Variants in RNGTT observed in about 807,000 individuals in gnomAD.
RNGTT encodes the protein RNA guanylyltransferase and 5'-phosphatase, also known as mRNA-capping enzyme.
Under a neutral mutation model 79.3 loss-of-function variants are expected in RNGTT, and 33 were observed. The ratio of observed to expected loss-of-function variants is 0.42; its 90% CI spans 0.32 to 0.56. The LOEUF (loss-of-function observed/expected upper bound fraction) is 0.56. RNGTT is among the 20% of genes least tolerant of loss of function. The pLI is 0.17. For missense variants in RNGTT, 497 were observed against 739.1 expected (o/e 0.67, Z 3.80); for synonymous variants, 222 against 235.9 (o/e 0.94, Z 0.54).
chr6:88,787,309 T>C (rs1006652008), intron 12 of RNGTT, among the ~76,000 whole-genome samples: 13 of 152,128 alleles, frequency 8.5e-5, no homozygotes, highest in African/African-American at 3.1e-4. Context: ...AAATGTTGGT[T>C]AACCTGAGAA....
chr6:88,870,974 G>A (rs998569117), intron 8 of RNGTT, among the ~76,000 whole-genome samples: 2 of 152,120 alleles, frequency 1.3e-5, no homozygotes, highest in African/African-American at 4.8e-5. Flanking sequence ...CAATTGTTCA[G>A]ATCTATTCAA....
chr6:88,773,326 G>C (rs1244356516), intron 12 of RNGTT, among the ~76,000 whole-genome samples: 1 of 120,150 alleles, frequency 8.3e-6, no homozygotes, highest in African/African-American at 3.1e-5. Flanking sequence ...GTTGTGGGGT[G>C]GGGGGAGGGG....
intron 12 of RNGTT, among the ~76,000 whole-genome samples, chr6:88,790,244 T>A (rs1278403308): frequency 6.6e-6 from 1 of 152,140 alleles, no homozygotes; most frequent in African/African-American, 2.4e-5. Context: ...TTGAGTCATA[T>A]AAATAACAGG....
intron 14 of RNGTT, among the ~76,000 whole-genome samples, chr6:88,636,899 AC>A (rs1241173856): frequency 3.9e-5 from 6 of 152,020 alleles, no homozygotes; most frequent in African/African-American, 1.4e-4. Flanking sequence ...AAAGAATACT[AC>A]AAGAGAATAT....
intron 13 of RNGTT, among the ~76,000 whole-genome samples, chr6:88,689,944 T>C (rs1283963745): frequency 6.6e-6 from 1 of 151,388 alleles, no homozygotes; most frequent in Non-Finnish European, 1.5e-5. Flanking sequence ...TATGGTTAAC[T>C]ATCACCAGTA....
At chr6:88,852,780 A>T (rs181556582) in intron 9 of RNGTT, among the ~76,000 whole-genome samples, 4 of 152,164 alleles carry the variant, frequency 2.6e-5, no homozygotes, top group Non-Finnish European at 5.9e-5. Flanking sequence ...ATTCCAATTC[A>T]TATGGTCTAG....
At chr6:88,907,991 T>A (rs1352701702) in intron 4 of RNGTT, among the ~76,000 whole-genome samples, 2 of 152,076 alleles carry the variant, frequency 1.3e-5, no homozygotes, top group Non-Finnish European at 2.9e-5. Context: ...CACTTCAGCC[T>A]CCCCAAGTCT....
At chr6:88,846,754 T>C (rs571591597) in intron 10 of RNGTT, among the ~76,000 whole-genome samples, 2 of 145,364 alleles carry the variant, frequency 1.4e-5, no homozygotes, top group African/African-American at 5.1e-5. Flanking sequence ...AGGAAGACTG[T>C]CTCAAAAAAA....
chr6:88,626,739 G>T (rs568425018), intron 14 of RNGTT, among the ~76,000 whole-genome samples: 533 of 152,154 alleles, frequency 3.5e-3, no homozygotes, highest in African/African-American at 0.012. Flanking sequence ...TTTCACAGCT[G>T]CAAAGCTTTT....
rs34263662 is a variant in RNGTT at position 88,677,979 on chromosome 6, CTTTTTTTT to C, written c.1506+366_1506+373del. The C allele has an allele frequency of 2.1e-4, 16 of 76,344 alleles. 1 individual carries two copies. Among genetic ancestry groups the C allele is most frequent in the African/African-American group, 5.0e-4 (9 of 17,894 alleles). 4.7% of individuals were successfully genotyped at this position (76,344 alleles called of 1,614,324 possible). A position where few individuals can be genotyped will look rare whatever the true frequency, so the allele number is the denominator to read the frequency against. Reference sequence around the variant, plus strand: ...TTATGAAATTATCACCTCACATTCACTTTTTTTTTTTTTTTTTTTTTTTTGAGACAGGG... The same window carrying C: ...TTATGAAATTATCACCTCACATTCACTTTTTTTTTTTTTTTTGAGACAGGG... On this transcript the variant is annotated intron_variant, in intron 14 of 15. Coordinates refer to ENST00000369485, the MANE Select transcript of RNGTT (RefSeq NM_003800.5).
At chr6:88,729,346 T>C (rs553794445) in intron 13 of RNGTT, among the ~76,000 whole-genome samples, 33 of 151,226 alleles carry the variant, frequency 2.2e-4, no homozygotes, top group Non-Finnish European at 3.8e-4. Flanking sequence ...TTTAGTCCAA[T>C]TGGCTATCCC....
At chr6:88,678,098 C>A in intron 14 of RNGTT, 1 of 399,236 alleles carries the variant, frequency 2.5e-6, no homozygotes, top group Non-Finnish European at 3.7e-6. Flanking sequence ...GTGATCTTCC[C>A]ACCTCAGCCT....
At chr6:88,940,874 T>C (rs1413637216) in intron 2 of RNGTT, among the ~76,000 whole-genome samples, 197 bp downstream of exon 2, 1 of 152,202 alleles carries the variant, frequency 6.6e-6, no homozygotes, top group East Asian at 1.9e-4. Context: ...GCTTGTGATA[T>C]TGTACTACAA....
intron 1 of RNGTT, among the ~76,000 whole-genome samples, chr6:88,956,804 C>T (rs534210318): frequency 7.2e-5 from 11 of 151,958 alleles, no homozygotes; most frequent in Non-Finnish European, 1.5e-4. Flanking sequence ...TTCAGGAGGC[C>T]GAGGTGGGTG....
intron 1 of RNGTT, among the ~76,000 whole-genome samples, chr6:88,950,240 T>TA (rs890514582): frequency 2.0e-5 from 3 of 152,244 alleles, no homozygotes; most frequent in African/African-American, 7.2e-5. Flanking sequence ...ACTATGCACC[T>TA]AGGCACCCAA....
At chr6:88,657,568 T>C (rs977414181) in intron 14 of RNGTT, among the ~76,000 whole-genome samples, 1 of 152,006 alleles carries the variant, frequency 6.6e-6, no homozygotes, top group African/African-American at 2.4e-5. Context: ...AATACAGATA[T>C]GAGCACAGAA....
intron 1 of RNGTT, among the ~76,000 whole-genome samples, chr6:88,949,075 C>A (rs1785135775): frequency 8.3e-6 from 1 of 120,594 alleles, no homozygotes; most frequent in Non-Finnish European, 1.7e-5. Flanking sequence ...CCTGCCAAAT[C>A]CCCCTCTGTG....
chr6:88,798,224 C>G (rs1488583077), intron 12 of RNGTT, among the ~76,000 whole-genome samples: 1 of 151,852 alleles, frequency 6.6e-6, no homozygotes, highest in African/African-American at 2.4e-5. Flanking sequence ...CAGCACTTTG[C>G]GAGGCTGAGG....
chr6:88,647,142 T>C (rs1184277193), intron 14 of RNGTT, among the ~76,000 whole-genome samples: 1 of 152,184 alleles, frequency 6.6e-6, no homozygotes, highest in East Asian at 1.9e-4. Context: ...AATTCTATTA[T>C]AGGGCAGCTA....
Sources: gnomAD v4.1 joint callset for allele counts (sites outside exome capture counted in the v4.1 genomes callset) on GRCh38, gnomAD v4.1.1 for gene constraint, MANE v1.5 for transcripts, NCBI Gene and HGNC (gene_info 2026-07-23, HGNC 2026-07-21) for gene names.